ADAMTS20: variants seen among roughly 807,000 people sequenced by gnomAD.
ADAMTS20 encodes the protein A disintegrin and metalloproteinase with thrombospondin motifs 20.
In ADAMTS20, 225 loss-of-function variants were observed where a neutral mutation model predicts 260.1. The observed-to-expected ratio is 0.87, with a 90% confidence interval of 0.78 to 0.97. The LOEUF (loss-of-function observed/expected upper bound fraction) is 0.97, where lower values mean the gene tolerates loss of function less well. ADAMTS20 is among the 50% of genes least tolerant of loss of function. ADAMTS20 has a pLI of 0.00. For synonymous variants in ADAMTS20, 802 were observed against 769.5 expected (o/e 1.04, Z -0.70); for missense variants, 2,400 against 2,337.7 (o/e 1.03, Z -0.55).
intron 7 of ADAMTS20, among the ~76,000 whole-genome samples, chr12:43,478,968 G>A (rs1397336): frequency 0.24 from 36,344 of 151,910 alleles, 4,445 homozygotes; most frequent in South Asian, 0.4. Flanking sequence ...AGGACTGAGC[G>A]CTTAAACCTG....
At chr12:43,434,629 T>A (rs1389752832) in intron 18 of ADAMTS20, among the ~76,000 whole-genome samples, 1 of 152,162 alleles carries the variant, frequency 6.6e-6, no homozygotes, top group African/African-American at 2.4e-5. Flanking sequence ...TAAAATGAAA[T>A]TCACTATAGT....
intron 37 of ADAMTS20, among the ~76,000 whole-genome samples, chr12:43,368,113 T>C (rs1940027036): frequency 6.6e-6 from 1 of 152,066 alleles, no homozygotes; most frequent in Admixed American, 6.6e-5. Context: ...CCTTCTTTCT[T>C]TCCTGTGATC....
intron 2 of ADAMTS20, among the ~76,000 whole-genome samples, chr12:43,548,885 A>G (rs1203544369): frequency 6.6e-6 from 1 of 152,064 alleles, no homozygotes; most frequent in Non-Finnish European, 1.5e-5. Context: ...ATGTTTTATC[A>G]ACTACTTCTG....
At chr12:43,526,662 A>G (rs1409587117) in intron 3 of ADAMTS20, among the ~76,000 whole-genome samples, 1 of 152,228 alleles carries the variant, frequency 6.6e-6, no homozygotes, top group East Asian at 1.9e-4. Context: ...ACAAGTTATC[A>G]AAATCTTTGG....
At chr12:43,388,672 T>C (rs1200378348) in intron 29 of ADAMTS20, among the ~76,000 whole-genome samples, 2 of 152,220 alleles carry the variant, frequency 1.3e-5, no homozygotes, top group Non-Finnish European at 2.9e-5. Flanking sequence ...AGCGGTACTA[T>C]GGCTGAGGAC....
intron 17 of ADAMTS20, 73 bp from the exon 18 acceptor site, chr12:43,439,824 A>G (rs1055163287): frequency 2.6e-6 from 4 of 1,555,040 alleles, no homozygotes; most frequent in Admixed American, 1.9e-5. Context: ...ATATTTGATA[A>G]TGTTAAGCAC....
At position 43,430,488 on chromosome 12, in the gene ADAMTS20, G is replaced by T. The variant is rs1226249930; in HGVS notation, c.3262-17C>A. On this transcript the variant is annotated splice_polypyrimidine_tract_variant and intron_variant, in intron 22 of 38. Transcript: ENST00000389420. ...GGTTGTGCACTGAAAGAAGAATATA[G>T]ATATTAAAAAAACATTGTTTCCCAA... 1 of 1,595,738 alleles carries T rather than the reference G, an allele frequency of 6.3e-7. No individual in the cohort carries two copies. Among genetic ancestry groups the T allele is most frequent in the South Asian group, 1.1e-5 (1 of 86,992 alleles).
rs762897858 is a variant in ADAMTS20, at chr12:43,428,690, T to A, written c.3599A>T (p.Glu1200Val). Residue 1200 changes from glutamate to valine, a missense_variant, in exon 25 of 39, where the codon GAA becomes GTA. Physicochemically the swap from Glu to Val is moderately radical, Grantham distance 121 (BLOSUM62 -2). Transcript: ENST00000389420. ...SYCAHLPRPA[E>V]IWDCFTPCGE... Reference sequence around the variant, plus strand: ...ACAAGGGGTAAAACAGTCCCATATTTCAGCAGGTCGGGGTAAGTGGGCACA... The same window carrying A: ...ACAAGGGGTAAAACAGTCCCATATTACAGCAGGTCGGGGTAAGTGGGCACA... 1 of 1,611,762 alleles carries A rather than the reference T, an allele frequency of 6.2e-7. No individual in the cohort carries two copies. Among genetic ancestry groups the A allele is most frequent in the Non-Finnish European group, 8.5e-7 (1 of 1,178,468 alleles).
intron 14 of ADAMTS20, among the ~76,000 whole-genome samples, chr12:43,450,381 A>C (rs1009257244): frequency 6.6e-6 from 1 of 152,208 alleles, no homozygotes; most frequent in African/African-American, 2.4e-5. Context: ...CACAAGGCAG[A>C]TATTTTCAAA....
chr12:43,353,382 T>A (rs1256099686), downstream of ADAMTS20, among the ~76,000 whole-genome samples: 1 of 151,856 alleles, frequency 6.6e-6, no homozygotes, highest in African/African-American at 2.4e-5. Context: ...AGTACATAAC[T>A]TTGAGAAAAT....
intron 18 of ADAMTS20, among the ~76,000 whole-genome samples, chr12:43,435,342 C>T (rs1485128662): frequency 6.6e-6 from 1 of 151,986 alleles, no homozygotes. Context: ...TAAAACTTCT[C>T]TAAAAAATAA....
intron 24 of ADAMTS20, 104 bp downstream of exon 24, chr12:43,429,513 C>T (rs12308771): frequency 0.22 from 172,395 of 777,668 alleles, 19,914 homozygotes; most frequent in Middle Eastern, 0.32. Context: ...CATCAAAATA[C>T]CTGAGAATAA....
intron 11 of ADAMTS20, among the ~76,000 whole-genome samples, chr12:43,457,466 A>G (rs902237575): frequency 6.6e-6 from 1 of 152,108 alleles, no homozygotes; most frequent in Admixed American, 6.5e-5. Flanking sequence ...CTCTCTCCTA[A>G]ACTCCAGACT....
intron 3 of ADAMTS20, among the ~76,000 whole-genome samples, chr12:43,531,156 CT>C (rs1943215156): frequency 6.6e-6 from 1 of 151,932 alleles, no homozygotes; most frequent in Non-Finnish European, 1.5e-5. Flanking sequence ...AATAAATGAA[CT>C]GTTCCTACAT....
At chr12:43,373,868 A>G (rs61925112) in intron 36 of ADAMTS20, among the ~76,000 whole-genome samples, 1 of 149,836 alleles carries the variant, frequency 6.7e-6, no homozygotes, top group African/African-American at 2.5e-5. Context: ...TTTAGTAGAG[A>G]CGGGGTTTCA....
In ADAMTS20 at chr12:43,440,052, C is replaced by G; in HGVS notation, c.2308G>C (p.Gly770Arg). The G allele has an allele frequency of 6.4e-7, 1 of 1,556,656 alleles. No individual in the cohort carries two copies. Among genetic ancestry groups the G allele is most frequent in the South Asian group, 1.2e-5 (1 of 84,976 alleles). Residue 770 changes from glycine (G) to arginine (R), a missense_variant, in exon 17 of 39, where the codon GGG becomes CGG. Gly to Arg is a moderately radical substitution (Grantham distance 125, BLOSUM62 -2). Coordinates refer to ENST00000389420, the MANE Select transcript of ADAMTS20 (RefSeq NM_025003.5). ...AAATTTCCATTGAAAAGAAAATTCC[C>G]TTCAGCGTCAGATAATGCTGTAAAA... is the stretch of plus-strand genomic sequence containing the variant. ...DSYLALSDAE[G>R]NFLFNGNFLL...
At chr12:43,439,037 T>A (rs1295995471) in intron 18 of ADAMTS20, among the ~76,000 whole-genome samples, 1 of 152,190 alleles carries the variant, frequency 6.6e-6, no homozygotes, top group Non-Finnish European at 1.5e-5. Flanking sequence ...AACATAATAT[T>A]ACACAATTAA....
At chr12:43,508,406 TA>T (rs1016206633) in intron 3 of ADAMTS20, among the ~76,000 whole-genome samples, 4 of 151,924 alleles carry the variant, frequency 2.6e-5, no homozygotes, top group African/African-American at 7.3e-5. Context: ...GAGGTAGAAA[TA>T]AAAACAAATA....
intron 4 of ADAMTS20, among the ~76,000 whole-genome samples, chr12:43,501,466 C>T (rs972422323): frequency 1.4e-5 from 1 of 69,934 alleles, no homozygotes; most frequent in East Asian, 2.7e-4. Flanking sequence ...GGGATACGCG[C>T]GCGCGCGCGC....
Sources: allele counts gnomAD v4.1 joint callset (sites outside exome capture counted in the v4.1 genomes callset), GRCh38; gene constraint gnomAD v4.1.1; transcripts MANE v1.5; gene names NCBI Gene and HGNC (gene_info 2026-07-23, HGNC 2026-07-21).